The following SYCP1 variants were observed in gnomAD, a reference collection of about 807,000 sequenced individuals.
SYCP1 encodes the protein cancer/testis antigen 8.
In SYCP1, 64 loss-of-function variants were observed where a neutral mutation model predicts 153.1. The observed-to-expected ratio is 0.42, with a 90% CI of 0.34 to 0.51. The LOEUF is 0.51. SYCP1 is among the 20% of genes least tolerant of loss of function. The pLI is 0.06. For synonymous variants in SYCP1, 384 were observed against 341.8 expected (o/e 1.12, Z -1.36); for missense variants, 997 against 1,049.0 (o/e 0.95, Z 0.68).
In SYCP1 at chr1:114,938,791, G is replaced by A. The variant is rs149084567; in HGVS notation, c.1927-5548G>A. 3.3e-3 allele frequency among the ~76,000 whole-genome samples: 499 copies of A among 152,000 alleles called. 2 individuals carry two copies. The highest frequency in any genetic ancestry group is 0.011 in the African/African-American group (473 of 41,470). The stretch of plus-strand genomic sequence containing the variant: ...ATATTTCTCCAAATATACACAAATG[G>A]CCAATAAGCACATAAAAATGAAAAT... On this transcript the variant is annotated intron_variant, in intron 23 of 31. Transcript: ENST00000369522.
Position 114,876,085 on chromosome 1 carries a change from T to A in SYCP1, c.674T>A (p.Phe225Tyr). Residue 225 changes from phenylalanine to tyrosine, a missense_variant, in exon 10 of 32, where the codon TTT (phenylalanine) becomes TAT (tyrosine). Coordinates refer to ENST00000369522, the MANE Select transcript of SYCP1 (RefSeq NM_003176.4). ...ATATTTCAGAAAATGATAACAGCTTTTGAGGAACTTCGTGTGCAAGCTGAG... is the reference window on the plus strand; with the variant it reads ...ATATTTCAGAAAATGATAACAGCTTATGAGGAACTTCGTGTGCAAGCTGAG... Reference protein sequence around the residue: ...NNNIEKMITAFEELRVQAENS... With the variant: ...NNNIEKMITAYEELRVQAENS... 1 of 1,581,866 alleles carries A rather than the reference T, an allele frequency of 6.3e-7. No individual in the cohort carries two copies. Among genetic ancestry groups the A allele is most frequent in the Non-Finnish European group, 8.6e-7 (1 of 1,162,396 alleles).
intron 23 of SYCP1, among the ~76,000 whole-genome samples, chr1:114,930,404 G>C (rs1378393155): frequency 6.6e-6 from 1 of 151,834 alleles, no homozygotes; most frequent in Non-Finnish European, 1.5e-5. Context: ...AAGCTGATAA[G>C]CCCTAGCAGA....
intron 16 of SYCP1, among the ~76,000 whole-genome samples, chr1:114,901,100 C>T (rs1667413917): frequency 6.6e-6 from 1 of 152,076 alleles, no homozygotes; most frequent in Admixed American, 6.5e-5. Context: ...ACTACATAGG[C>T]AGAAGAAACC....
chr1:114,871,156 T>G lies in SYCP1; in HGVS notation c.599-3350T>G, dbSNP rs112419847. Among the ~76,000 whole-genome samples, 10 of 151,702 alleles carry G rather than the reference T, an allele frequency of 6.6e-5. 1 individual carries two copies. Among genetic ancestry groups the G allele is most frequent in the African/African-American group, 2.4e-4 (10 of 41,366 alleles). ...CAGTGAGTACCTTATAATTCTTTCC[T>G]CCCATCTTTTTTTTTTCTTTTTTTT... is the stretch of plus-strand genomic sequence containing the variant. On this transcript the variant is annotated intron_variant, in intron 8 of 31. Coordinates refer to ENST00000369522, the MANE Select transcript of SYCP1 (RefSeq NM_003176.4).
intron 8 of SYCP1, among the ~76,000 whole-genome samples, chr1:114,874,057 G>C (rs1459283040): frequency 6.6e-6 from 1 of 152,086 alleles, no homozygotes; most frequent in Non-Finnish European, 1.5e-5. Context: ...TCTCAGATTT[G>C]TTTACACTGA....
chr1:114,932,622 C>T (rs1041513838), intron 23 of SYCP1, among the ~76,000 whole-genome samples: 2 of 152,208 alleles, frequency 1.3e-5, no homozygotes, highest in Non-Finnish European at 2.9e-5. Flanking sequence ...ACCTGGGAAG[C>T]ACAAGGGGTT....
intron 16 of SYCP1, among the ~76,000 whole-genome samples, chr1:114,909,495 TACAC>T (rs57520899): frequency 0.11 from 12,113 of 106,284 alleles, 705 homozygotes; most frequent in South Asian, 0.19. Context: ...TCCCTTGCTG[TACAC>T]ACACACACAC....
At position 114,856,609 on chromosome 1, in the gene SYCP1, C is replaced by T; in HGVS notation, c.145C>T (p.Pro49Ser). The change falls in exon 3 of 32, where the codon CCA (proline) becomes TCA (serine). Residue 49 changes from proline (P) to serine (S), a missense_variant. Physicochemically the swap from Pro to Ser is moderately conservative, Grantham distance 74. This residue lies in a region of SYCP1 where 285 missense variants were observed against 366.1 expected (regional missense o/e 0.78). Coordinates refer to ENST00000369522, the MANE Select transcript of SYCP1 (RefSeq NM_003176.4). ...NKCTEDDFEF[P>S]FAKTNLSKNG... is the part of the protein sequence containing the mutation. ...ATGTACTGAAGATGATTTTGAGTTTCCATTTGCAAAGACTAATCTCTCCAA... is the reference window on the plus strand; with the variant it reads ...ATGTACTGAAGATGATTTTGAGTTTTCATTTGCAAAGACTAATCTCTCCAA... The T allele has an allele frequency of 1.2e-6, 2 of 1,611,524 alleles. No homozygotes were observed. The highest frequency in any genetic ancestry group is 1.7e-4 in the Middle Eastern group (1 of 6,036).
Position 114,946,310 on chromosome 1 carries a change from G to A in SYCP1, c.2176G>A (p.Glu726Lys). Residue 726 changes from glutamate to lysine, a missense_variant, in exon 26 of 32, where the codon GAA becomes AAA. Glu to Lys is a moderately conservative substitution (Grantham distance 56). This residue lies in a region of SYCP1 where 712 missense variants were observed against 682.9 expected (regional missense o/e 1.04). Transcript: ENST00000369522. ...KHKHQYDKII[E>K]ERDSELGLYK... ...ATAGCACCAATATGATAAGATCATTGAAGAAAGAGACTCAGAATTAGGACT... is the reference window on the plus strand; with the variant it reads ...ATAGCACCAATATGATAAGATCATTAAAGAAAGAGACTCAGAATTAGGACT... 6.3e-7 allele frequency: 1 copy of A among 1,581,694 alleles called. No individual in the cohort carries two copies. The highest frequency in any genetic ancestry group is 1.7e-4 in the Middle Eastern group (1 of 5,984).
intron 16 of SYCP1, among the ~76,000 whole-genome samples, chr1:114,903,718 A>T (rs72694095): frequency 0.023 from 3,505 of 152,320 alleles, 55 homozygotes; most frequent in South Asian, 0.035. Context: ...GTATTAAGGC[A>T]GAACAGTTAA....
chr1:114,944,514 G>A, intron 24 of SYCP1, 59 bp downstream of exon 24: 2 of 1,014,492 alleles, frequency 2.0e-6, no homozygotes, highest in African/African-American at 1.7e-5. Flanking sequence ...TTTTTATTAG[G>A]ATTTTAAGAG....
intron 8 of SYCP1, among the ~76,000 whole-genome samples, chr1:114,864,660 T>G (rs1367206375): frequency 6.6e-6 from 1 of 151,910 alleles, no homozygotes; most frequent in African/African-American, 2.4e-5. Flanking sequence ...GTCTAATTTT[T>G]GTATTTTTTT....
chr1:114,873,991 C>T (rs1039523362), intron 8 of SYCP1, among the ~76,000 whole-genome samples: 2 of 152,140 alleles, frequency 1.3e-5, no homozygotes, highest in African/African-American at 4.8e-5. Flanking sequence ...CTCTGCCTCC[C>T]AAAGTGCTAG....
Position 114,876,829 on chromosome 1 carries a change from T to A in SYCP1, c.801+19T>A. Reference sequence around the variant, plus strand: ...AAAGCAGGTTTTTTAAAAAACCAACTCTTTGTATTCTTTATATTTGCTAAT... The same window carrying A: ...AAAGCAGGTTTTTTAAAAAACCAACACTTTGTATTCTTTATATTTGCTAAT... On this transcript the variant is annotated intron_variant, in intron 11 of 31. Coordinates refer to ENST00000369522, the MANE Select transcript of SYCP1 (RefSeq NM_003176.4). The A allele has an allele frequency of 7.7e-7, 1 of 1,294,108 alleles. No homozygotes were observed. The allele number at this position is 1,294,108 out of a possible 1,614,324, so 80.2% of individuals were successfully genotyped here. A position where few individuals can be genotyped will look rare whatever the true frequency, so the allele number is the denominator to read the frequency against.
At chr1:114,885,931 G>A (rs1666265995) in intron 13 of SYCP1, among the ~76,000 whole-genome samples, 194 bp from the exon 14 acceptor site, 2 of 152,142 alleles carry the variant, frequency 1.3e-5, no homozygotes, top group South Asian at 4.1e-4. Flanking sequence ...GGAGGAGCTG[G>A]AACTATAGGT....
intron 27 of SYCP1, among the ~76,000 whole-genome samples, chr1:114,947,577 G>C (rs1318224064): frequency 6.6e-6 from 1 of 151,712 alleles, no homozygotes; most frequent in East Asian, 1.9e-4. Context: ...ACTTTGGGAG[G>C]CCGAGGCGGG....
intron 23 of SYCP1, among the ~76,000 whole-genome samples, chr1:114,931,193 A>C (rs1669605599): frequency 6.6e-6 from 1 of 152,086 alleles, no homozygotes; most frequent in Admixed American, 6.5e-5. Context: ...GATGAAAGGC[A>C]GTGTCAAGAG....
At chr1:114,980,112 A>T (rs904325688) in intron 28 of SYCP1, among the ~76,000 whole-genome samples, 1 of 151,816 alleles carries the variant, frequency 6.6e-6, no homozygotes. Flanking sequence ...GAACTGAAAG[A>T]ACACGATTCT....
At chr1:114,968,962 C>T (rs1460604763) in intron 27 of SYCP1, among the ~76,000 whole-genome samples, 1 of 152,160 alleles carries the variant, frequency 6.6e-6, no homozygotes, top group African/African-American at 2.4e-5. Flanking sequence ...CTGGAGTTTG[C>T]TGGGGGTGTA....
Sources: allele counts gnomAD v4.1 joint callset (sites outside exome capture counted in the v4.1 genomes callset), GRCh38; gene constraint gnomAD v4.1.1; regional missense constraint gnomAD v4.1.1; transcripts MANE v1.5; gene names NCBI Gene and HGNC (gene_info 2026-07-23, HGNC 2026-07-21).